SLIT2: variants seen among roughly 807,000 people sequenced by gnomAD.
The protein encoded by SLIT2 is slit homolog 2 protein.
In SLIT2, 41 loss-of-function variants were observed where a neutral mutation model predicts 185.7. That is an observed-to-expected ratio of 0.22 (90% CI 0.17 to 0.29). The LOEUF (loss-of-function observed/expected upper bound fraction) is 0.29. SLIT2 is among the 10% of genes least tolerant of loss of function. The pLI, the probability that SLIT2 is intolerant of heterozygous loss-of-function variation, is 1.00. For synonymous variants in SLIT2, 693 were observed against 680.2 expected (o/e 1.02, Z -0.29); for missense variants, 1,571 against 1,909.0 (o/e 0.82, Z 3.30).
intron 11 of SLIT2, among the ~76,000 whole-genome samples, chr4:20,516,073 C>A (rs1206943819): frequency 6.6e-6 from 1 of 152,196 alleles, no homozygotes; most frequent in Admixed American, 6.5e-5. Flanking sequence ...CCTGGGCCTC[C>A]CAAAGTGCTG....
rs1560453735 is a variant in SLIT2, at chr4:20,472,386, G to GAGATATAGATATCTATATAGCTATATA, written c.467+4563_467+4564insAGATATAGATATCTATATAGCTATATA. Among the ~76,000 whole-genome samples the GAGATATAGATATCTATATAGCTATATA allele has an allele frequency of 7.1e-3, 273 of 38,398 alleles. 9 individuals carry two copies. The highest frequency in any genetic ancestry group is 9.2e-3 in the Admixed American group (15 of 1,636). The allele number at this position is 38,398 out of a possible 152,430, so 25.2% of individuals were successfully genotyped here. A position where few individuals can be genotyped will look rare whatever the true frequency, so the allele number is the denominator to read the frequency against. On this transcript the variant is annotated intron_variant, in intron 5 of 36. Transcript: ENST00000504154. ...TATAGATATCTATATCTATATATAT[G>GAGATATAGATATCTATATAGCTATATA]TAGATATATAGATATAGATATCTAT...
chr4:20,572,968 C>G (rs190760338), intron 29 of SLIT2, among the ~76,000 whole-genome samples: 1 of 152,188 alleles, frequency 6.6e-6, no homozygotes, highest in Non-Finnish European at 1.5e-5. Flanking sequence ...CATTCAGTGT[C>G]CATCTTAAAC....
intron 9 of SLIT2, among the ~76,000 whole-genome samples, chr4:20,494,640 G>T (rs150709411): frequency 6.6e-6 from 1 of 151,900 alleles, no homozygotes; most frequent in Non-Finnish European, 1.5e-5. Context: ...TTAGCCGGGC[G>T]TGGTCGTGGA....
At chr4:20,565,109 C>T (rs1724991249) in intron 26 of SLIT2, among the ~76,000 whole-genome samples, 1 of 151,936 alleles carries the variant, frequency 6.6e-6, no homozygotes, top group Admixed American at 6.6e-5. Context: ...ATTACTCAAA[C>T]ATAATTTTTG....
At chr4:20,372,715 G>A (rs1723692912) in intron 4 of SLIT2, among the ~76,000 whole-genome samples, 1 of 152,014 alleles carries the variant, frequency 6.6e-6, no homozygotes, top group Non-Finnish European at 1.5e-5. Flanking sequence ...GCAAAGCATA[G>A]ACTAGGAGAC....
intron 4 of SLIT2, among the ~76,000 whole-genome samples, chr4:20,364,721 A>G (rs1226595307): frequency 6.6e-6 from 1 of 152,138 alleles, no homozygotes; most frequent in Non-Finnish European, 1.5e-5. Flanking sequence ...TCTAATTACT[A>G]TAATTACAGG....
intron 4 of SLIT2, among the ~76,000 whole-genome samples, chr4:20,299,896 T>C (rs1323192753): frequency 2.6e-5 from 4 of 152,116 alleles, no homozygotes; most frequent in African/African-American, 9.7e-5. Flanking sequence ...GTCATTAATA[T>C]TGAAATTATT....
At chr4:20,269,866 A>G (rs1308149265) in intron 4 of SLIT2, among the ~76,000 whole-genome samples, 1 of 151,836 alleles carries the variant, frequency 6.6e-6, no homozygotes, top group South Asian at 2.1e-4. Context: ...TTCACCCCCA[A>G]GAATAGCCAG....
At chr4:20,469,428 G>T (rs1163475058) in intron 5 of SLIT2, among the ~76,000 whole-genome samples, 1 of 152,162 alleles carries the variant, frequency 6.6e-6, no homozygotes, top group Non-Finnish European at 1.5e-5. Context: ...GGACCAGTCA[G>T]TCATGATAGA....
intron 4 of SLIT2, among the ~76,000 whole-genome samples, chr4:20,370,080 G>C (rs1248510874): frequency 6.6e-6 from 1 of 152,058 alleles, no homozygotes; most frequent in East Asian, 1.9e-4. Flanking sequence ...CAGAGGGAGA[G>C]GCCCAGCAAG....
intron 29 of SLIT2, among the ~76,000 whole-genome samples, chr4:20,569,687 G>C (rs912149994): frequency 5.9e-5 from 9 of 151,852 alleles, no homozygotes; most frequent in African/African-American, 1.7e-4. Flanking sequence ...AAACTTCATA[G>C]ATATGCTCTT....
chr4:20,318,484 A>G (rs1222236336), intron 4 of SLIT2, among the ~76,000 whole-genome samples: 1 of 152,196 alleles, frequency 6.6e-6, no homozygotes, highest in Non-Finnish European at 1.5e-5. Context: ...AGAAGAAAAT[A>G]ATGATGAAAC....
chr4:20,539,336 A>G, intron 18 of SLIT2, 105 bp from the exon 19 acceptor site: 1 of 930,116 alleles, frequency 1.1e-6, no homozygotes, highest in Non-Finnish European at 1.6e-6. Context: ...TTTAAAAAGT[A>G]GTAATGAATG....
chr4:20,610,457 T>C lies in SLIT2; in HGVS notation c.3847+290T>C, dbSNP rs143648308. On this transcript the variant is annotated intron_variant, in intron 34 of 36. Coordinates refer to ENST00000504154, the MANE Select transcript of SLIT2 (RefSeq NM_004787.4). ...TATGCTAGGTGATTTATACATTATATAATTTAATCTTATATTTGATCTGGT... is the reference window on the plus strand; with the variant it reads ...TATGCTAGGTGATTTATACATTATACAATTTAATCTTATATTTGATCTGGT... Among the ~76,000 whole-genome samples the C allele has an allele frequency of 2.5e-4, 38 of 152,352 alleles. No individual in the cohort carries two copies. The East Asian group carries it at 7.1e-3, about 29-fold the overall frequency.
rs565076932 is a variant in SLIT2, at chr4:20,392,802, G to A, written c.396-74950G>A. On this transcript the variant is annotated intron_variant, in intron 4 of 36. Coordinates refer to ENST00000504154, the MANE Select transcript of SLIT2 (RefSeq NM_004787.4). ...GTCTTCTCCCTCCATATCTTGTCCA[G>A]CTGGAATGTCTTCAGAAGCGATAAC... Among the ~76,000 whole-genome samples the A allele has an allele frequency of 5.7e-4, 87 of 152,066 alleles. No homozygotes were observed. The South Asian group carries it at 0.015, about 25-fold the overall frequency.
Position 20,488,942 on chromosome 4 carries a change from T to A in SLIT2, c.735T>A (p.His245Gln), listed in dbSNP as rs371248455. 1.9e-5 allele frequency: 30 copies of A among 1,611,772 alleles called. No homozygotes were observed. The East Asian group carries it at 4.7e-4, about 25-fold the overall frequency. ...TGGGCCCCTCCCACCTGAGAGGCCA[T>A]AATGTAGCCGAGGTTCAAAAACGAG... ...QCMGPSHLRGHNVAEVQKREF... is the reference protein window; with the variant it reads ...QCMGPSHLRGQNVAEVQKREF... Residue 245 changes from histidine to glutamine, a missense_variant, in exon 8 of 37, where the codon CAT becomes CAA. Coordinates refer to ENST00000504154, the MANE Select transcript of SLIT2 (RefSeq NM_004787.4).
chr4:20,599,688 T>G (rs10010466), intron 33 of SLIT2, among the ~76,000 whole-genome samples: 54,176 of 150,866 alleles, frequency 0.36, 10,238 homozygotes, highest in East Asian at 0.76. Context: ...AAATCTGGGG[T>G]TTTTTTAATA....
At chr4:20,312,249 A>G (rs1354764020) in intron 4 of SLIT2, among the ~76,000 whole-genome samples, 1 of 152,228 alleles carries the variant, frequency 6.6e-6, no homozygotes, top group African/African-American at 2.4e-5. Flanking sequence ...CAACTCAACT[A>G]ACTTAGGCAT....
chr4:20,290,288 A>T (rs11947835), intron 4 of SLIT2, among the ~76,000 whole-genome samples: 29,986 of 152,144 alleles, frequency 0.2, 3,537 homozygotes, highest in Middle Eastern at 0.31. Context: ...CCATCTGTGG[A>T]TTCAACCAAC....
Sources: allele counts gnomAD v4.1 joint callset (sites outside exome capture counted in the v4.1 genomes callset), GRCh38; gene constraint gnomAD v4.1.1; transcripts MANE v1.5; gene names NCBI Gene and HGNC (gene_info 2026-07-23, HGNC 2026-07-21).